The following ACTR3C variants were observed in gnomAD, a reference collection of about 807,000 sequenced individuals.
ACTR3C encodes the protein actin related protein 3C, also known as actin-related protein 3C.
ACTR3C carries 18 observed loss-of-function variants against 26.3 expected under a neutral mutation model. The observed-to-expected ratio is 0.68, with a 90% CI of 0.47 to 1.01. The LOEUF (loss-of-function observed/expected upper bound fraction) is 1.01, where lower values mean the gene tolerates loss of function less well. ACTR3C is among the 50% of genes least tolerant of loss of function. The probability of loss-of-function intolerance (pLI) is 0.00; values close to 1 mark genes in which losing one functional copy is unlikely to be tolerated. For missense variants in ACTR3C, 184 were observed against 250.7 expected (o/e 0.73, Z 1.80); for synonymous variants, 55 against 94.5 (o/e 0.58, Z 2.42).
At chr7:149,907,493 T>TC in the ACTR3C span, among the ~76,000 whole-genome samples, 16 of 150,366 alleles carry the variant, frequency 1.1e-4, no homozygotes, top group African/African-American at 3.7e-4. Context: ...TCTCTCTCTC[T>TC]CTCTCTCTCT....
At position 150,288,495 on chromosome 7, in the gene ACTR3C, G is replaced by A. The variant is rs1351376866; in HGVS notation, c.297+955C>T. 3.6e-5 allele frequency among the ~76,000 whole-genome samples: 5 copies of A among 138,458 alleles called. 1 individual carries two copies. The highest frequency in any genetic ancestry group is 7.5e-5 in the Non-Finnish European group (5 of 66,490). 90.8% of individuals were successfully genotyped at this position (138,458 alleles called of 152,430 possible). On this transcript the variant is annotated intron_variant, in intron 4 of 7. Coordinates refer to ENST00000683684, the MANE Select transcript of ACTR3C (RefSeq NM_001164458.2). ...GAACCCTGGCTCAAGCAATGCTCCA[G>A]CCTCAGCCTCCCAAAGCCCTAGGAT...
chr7:150,099,578 A>C, the ACTR3C span, among the ~76,000 whole-genome samples: 16 of 151,734 alleles, frequency 1.1e-4, no homozygotes, highest in Admixed American at 5.2e-4. Flanking sequence ...GCTGATCTGC[A>C]GGGGATGTGG....
At chr7:150,085,424 A>G in the ACTR3C span, among the ~76,000 whole-genome samples, 4 of 152,126 alleles carry the variant, frequency 2.6e-5, no homozygotes, top group African/African-American at 4.8e-5. Flanking sequence ...GGAAAATCAG[A>G]AGAGAGTGTT....
At chr7:150,209,178 C>T in the ACTR3C span, among the ~76,000 whole-genome samples, 1 of 137,422 alleles carries the variant, frequency 7.3e-6, no homozygotes, top group African/African-American at 3.6e-5. Flanking sequence ...GCACTTGAAA[C>T]CTGACAGAGA....
chr7:149,894,806 G>A, the ACTR3C span, among the ~76,000 whole-genome samples: 3 of 151,798 alleles, frequency 2.0e-5, no homozygotes, highest in Non-Finnish European at 4.4e-5. Flanking sequence ...AATCAGTAGA[G>A]CCATTATGGA....
At chr7:150,246,261 G>A (rs1832458771), downstream of ACTR3C, 1 of 152,138 alleles carries the variant, frequency 6.6e-6, no homozygotes, top group Non-Finnish European at 1.5e-5. Context: ...TCTGCCTTGG[G>A]TTTTCTAAGA....
the ACTR3C span, among the ~76,000 whole-genome samples, chr7:149,883,028 G>C: frequency 6.6e-6 from 1 of 152,212 alleles, no homozygotes; most frequent in Non-Finnish European, 1.5e-5. Context: ...ACACATGCAT[G>C]TACATCTCAA....
At chr7:150,165,095 G>A in the ACTR3C span, among the ~76,000 whole-genome samples, 13 of 152,256 alleles carry the variant, frequency 8.5e-5, no homozygotes, top group East Asian at 2.5e-3. Context: ...AAGCTAATTT[G>A]GCACCATGGT....
chr7:150,035,542 C>G, the ACTR3C span, among the ~76,000 whole-genome samples: 47 of 116,860 alleles, frequency 4.0e-4, no homozygotes, highest in Non-Finnish European at 7.0e-4. Context: ...GCCTCCCCCT[C>G]CTGCGATGGG....
chr7:150,048,894 G>A, the ACTR3C span, among the ~76,000 whole-genome samples: 1 of 151,998 alleles, frequency 6.6e-6, no homozygotes, highest in Non-Finnish European at 1.5e-5. Flanking sequence ...TCGCGGGGCG[G>A]CAGAGGACGC....
At position 150,297,352 on chromosome 7, in the gene ACTR3C, T is replaced by TA. The variant is rs1211856566; in HGVS notation, c.-51-2006dup. 3.3e-3 allele frequency among the ~76,000 whole-genome samples: 378 copies of TA among 116,088 alleles called. 4 individuals carry two copies. The highest frequency in any genetic ancestry group is 8.6e-3 in the East Asian group (35 of 4,052). 76.2% of individuals were successfully genotyped at this position (116,088 alleles called of 152,430 possible). On this transcript the variant is annotated intron_variant, in intron 1 of 7. Transcript: ENST00000683684. ...TAAATATGCACATTATGTGTCAATT[T>TA]AAAAAAAAAACAATAAAATAAAATA... is the stretch of plus-strand genomic sequence containing the variant.
chr7:150,143,936 G>T, the ACTR3C span, among the ~76,000 whole-genome samples: 1 of 152,226 alleles, frequency 6.6e-6, no homozygotes, highest in Non-Finnish European at 1.5e-5. Flanking sequence ...AGGTGAGCCT[G>T]GGCCAGGCTT....
At chr7:150,113,411 A>G in the ACTR3C span, among the ~76,000 whole-genome samples, 1 of 151,428 alleles carries the variant, frequency 6.6e-6, no homozygotes, top group Admixed American at 6.6e-5. Flanking sequence ...TTCTATGACT[A>G]CACAAACCAT....
chr7:150,156,053 G>T, the ACTR3C span, among the ~76,000 whole-genome samples: 3 of 151,416 alleles, frequency 2.0e-5, no homozygotes, highest in African/African-American at 4.9e-5. Context: ...CTCGGGCCTT[G>T]CAGGGAGTCA....
chr7:149,994,558 T>C, the ACTR3C span, among the ~76,000 whole-genome samples: 7 of 147,826 alleles, frequency 4.7e-5, no homozygotes, highest in East Asian at 1.4e-3. Flanking sequence ...GACTGTGCCA[T>C]TCATTGCACT....
chr7:150,122,395 GA>G, the ACTR3C span, among the ~76,000 whole-genome samples: 253 of 151,976 alleles, frequency 1.7e-3, no homozygotes, highest in African/African-American at 6.0e-3. Context: ...AAATTTACAA[GA>G]AAAAAACAAC....
the ACTR3C span, among the ~76,000 whole-genome samples, chr7:149,959,234 C>CTT: frequency 4.7e-4 from 69 of 148,016 alleles, 1 homozygote; most frequent in South Asian, 0.014. Context: ...CCCCCACCCC[C>CTT]ACAATCTCCT....
intron 1 of ACTR3C, among the ~76,000 whole-genome samples, chr7:150,316,480 GTTATTT>G (rs1215450279): frequency 1.1e-4 from 15 of 131,736 alleles, no homozygotes; most frequent in African/African-American, 3.8e-4. Flanking sequence ...TTAGAATCTG[GTTATTT>G]TTTTTTTTTT....
chr7:150,256,659 T>G (rs1833240995), intron 6 of ACTR3C, among the ~76,000 whole-genome samples: 1 of 152,198 alleles, frequency 6.6e-6, no homozygotes. Flanking sequence ...TTGTCTACTA[T>G]GCTCACTACC....
Sources: gnomAD v4.1 joint callset for allele counts (sites outside exome capture counted in the v4.1 genomes callset) on GRCh38, gnomAD v4.1.1 for gene constraint, MANE v1.5 for transcripts, NCBI Gene and HGNC (gene_info 2026-07-23, HGNC 2026-07-21) for gene names.